Variants in GALNTL6 observed in about 807,000 individuals in gnomAD.
GALNTL6 encodes polypeptide N-acetylgalactosaminyltransferase like 6.
Under a neutral mutation model 73.7 loss-of-function variants are expected in GALNTL6, and 46 were observed. That is an observed-to-expected ratio of 0.62 (90% CI 0.49 to 0.80). The LOEUF is 0.80. Among genes scored for constraint, GALNTL6 ranks in the 30% least tolerant of loss-of-function variants. The pLI is 0.00. For synonymous variants in GALNTL6, 259 were observed against 263.7 expected (o/e 0.98, Z 0.17); for missense variants, 604 against 755.0 (o/e 0.80, Z 2.34).
intron 5 of GALNTL6, among the ~76,000 whole-genome samples, chr4:172,564,391 A>G (rs1736485548): frequency 6.6e-6 from 1 of 152,260 alleles, no homozygotes; most frequent in African/African-American, 2.4e-5. Flanking sequence ...ATGTGTGACT[A>G]GTTGAAAAGG....
At chr4:172,770,647 ACAAAT>A (rs1395812399) in intron 5 of GALNTL6, among the ~76,000 whole-genome samples, 2 of 152,198 alleles carry the variant, frequency 1.3e-5, no homozygotes, top group Non-Finnish European at 2.9e-5. Flanking sequence ...TTTTTAATTG[ACAAAT>A]CAAAGGTGTA....
chr4:172,475,967 C>A (rs1024624940), intron 5 of GALNTL6, among the ~76,000 whole-genome samples: 12 of 152,218 alleles, frequency 7.9e-5, no homozygotes, highest in African/African-American at 2.6e-4. Context: ...CATCTGGATG[C>A]CATAATAATT....
At chr4:171,989,110 C>T (rs575457417) in intron 2 of GALNTL6, among the ~76,000 whole-genome samples, 50 of 151,954 alleles carry the variant, frequency 3.3e-4, no homozygotes, top group African/African-American at 8.7e-4. Flanking sequence ...GAAGCCTGGC[C>T]GTCAATAGCA....
At chr4:172,650,396 A>G (rs1346244933) in intron 5 of GALNTL6, among the ~76,000 whole-genome samples, 1 of 152,226 alleles carries the variant, frequency 6.6e-6, no homozygotes, top group Admixed American at 6.5e-5. Flanking sequence ...GCATAACAGA[A>G]GAGAAGAGAT....
chr4:172,986,579 A>G (rs1490758005), intron 10 of GALNTL6, among the ~76,000 whole-genome samples: 2 of 152,208 alleles, frequency 1.3e-5, no homozygotes, highest in African/African-American at 2.4e-5. Context: ...ATATCATCTC[A>G]TATATTTTTA....
Position 172,952,226 on chromosome 4 carries a change from C to T in GALNTL6, c.1339C>T (p.Pro447Ser). The T allele has an allele frequency of 6.2e-7, 1 of 1,614,020 alleles. No homozygotes were observed. The highest frequency in any genetic ancestry group is 8.5e-7 in the Non-Finnish European group (1 of 1,179,964). The stretch of plus-strand genomic sequence containing the variant: ...CTGGGACGTGCCTAAATACTACCCT[C>T]CAGTGGAGCCCCCGCCTGCTGCCTG... ...VAWDVPKYYP[P>S]VEPPPAAWGE... The change falls in exon 10 of 13, where the codon CCA becomes TCA. Residue 447 changes from proline to serine, a missense_variant. Transcript: ENST00000506823.
intron 5 of GALNTL6, among the ~76,000 whole-genome samples, chr4:172,763,893 A>T (rs1034111147): frequency 2.0e-5 from 3 of 152,128 alleles, no homozygotes; most frequent in African/African-American, 7.2e-5. Context: ...ATCAATGACT[A>T]ATAAACAAAT....
chr4:172,924,173 T>A (rs1345430921), intron 8 of GALNTL6, among the ~76,000 whole-genome samples: 3 of 152,160 alleles, frequency 2.0e-5, no homozygotes, highest in Non-Finnish European at 4.4e-5. Flanking sequence ...GCCTGGCCCA[T>A]TCTCTTTCAG....
chr4:172,473,895 T>C (rs1159652222), intron 5 of GALNTL6, among the ~76,000 whole-genome samples: 1 of 152,214 alleles, frequency 6.6e-6, no homozygotes, highest in Non-Finnish European at 1.5e-5. Flanking sequence ...TTCGAGTCTA[T>C]GTTCAACACA....
chr4:172,169,825 C>T (rs146531215), intron 2 of GALNTL6, among the ~76,000 whole-genome samples: 1 of 152,286 alleles, frequency 6.6e-6, no homozygotes, highest in South Asian at 2.1e-4. Flanking sequence ...ATAATAATCA[C>T]AAGCTTTTCA....
At chr4:171,904,160 C>T (rs1159106723) in intron 2 of GALNTL6, among the ~76,000 whole-genome samples, 2 of 152,170 alleles carry the variant, frequency 1.3e-5, no homozygotes, top group East Asian at 1.9e-4. Flanking sequence ...CTTTGACGAG[C>T]TGAGAGAAGA....
At chr4:172,370,718 A>G (rs1178128637) in intron 5 of GALNTL6, among the ~76,000 whole-genome samples, 1 of 151,538 alleles carries the variant, frequency 6.6e-6, no homozygotes, top group East Asian at 2.0e-4. Context: ...ATCTCATACT[A>G]TCCGTGACTG....
At chr4:172,632,011 T>C (rs1343832688) in intron 5 of GALNTL6, among the ~76,000 whole-genome samples, 1 of 152,232 alleles carries the variant, frequency 6.6e-6, no homozygotes, top group South Asian at 2.1e-4. Flanking sequence ...GAGTTCCCCT[T>C]CACAAGCTCT....
intron 5 of GALNTL6, among the ~76,000 whole-genome samples, chr4:172,699,876 A>T (rs1253846946): frequency 6.6e-6 from 1 of 152,114 alleles, no homozygotes; most frequent in Non-Finnish European, 1.5e-5. Flanking sequence ...CCTTAAAAGG[A>T]TAGACCAAAT....
chr4:172,358,309 G>C (rs1371147888), intron 5 of GALNTL6, among the ~76,000 whole-genome samples: 1 of 152,166 alleles, frequency 6.6e-6, no homozygotes, highest in Non-Finnish European at 1.5e-5. Context: ...CACCAAACTA[G>C]AAAGGGTAGG....
chr4:172,716,661 G>A (rs979622727), intron 5 of GALNTL6, among the ~76,000 whole-genome samples: 29 of 152,198 alleles, frequency 1.9e-4, no homozygotes, highest in Admixed American at 3.3e-4. Flanking sequence ...GTTCTGTACC[G>A]CATTAAGGAA....
intron 5 of GALNTL6, among the ~76,000 whole-genome samples, chr4:172,526,649 A>T (rs748956477): frequency 6.6e-6 from 1 of 152,188 alleles, no homozygotes; most frequent in South Asian, 2.1e-4. Flanking sequence ...CCACACGATC[A>T]TATGGTGAGA....
chr4:172,985,068 A>G (rs1177028832), intron 10 of GALNTL6, among the ~76,000 whole-genome samples: 2 of 152,196 alleles, frequency 1.3e-5, no homozygotes, highest in African/African-American at 4.8e-5. Context: ...CAAGTATTAC[A>G]TTCAGCCAGG....
intron 5 of GALNTL6, among the ~76,000 whole-genome samples, chr4:172,684,048 A>G (rs1433859522): frequency 6.6e-6 from 1 of 152,228 alleles, no homozygotes; most frequent in Non-Finnish European, 1.5e-5. Context: ...TATAAAGGAT[A>G]GATCGCTGTC....
Sources: allele counts gnomAD v4.1 joint callset (sites outside exome capture counted in the v4.1 genomes callset), GRCh38; gene constraint gnomAD v4.1.1; transcripts MANE v1.5; gene names NCBI Gene and HGNC (gene_info 2026-07-23, HGNC 2026-07-21).